Variants in COL1A2 observed in about 807,000 individuals in gnomAD.
COL1A2 encodes collagen type I alpha 2 chain, also known as collagen alpha-2(I) chain.
A neutral mutation model predicts 174.3 loss-of-function variants in COL1A2; 49 were observed. That is an observed-to-expected ratio of 0.28 (90% CI 0.22 to 0.36). The LOEUF is 0.36. Among genes scored for constraint, COL1A2 ranks in the 10% least tolerant of loss-of-function variants. The probability of loss-of-function intolerance (pLI) is 1.00; values close to 1 mark genes in which losing one functional copy is unlikely to be tolerated. For synonymous variants in COL1A2, 655 were observed against 606.6 expected (o/e 1.08, Z -1.17); for missense variants, 1,438 against 1,822.7 (o/e 0.79, Z 3.84).
Position 94,412,597 on chromosome 7 carries a change from T to C in COL1A2, c.1418T>C (p.Ile473Thr), listed in dbSNP as rs763967575. ...GKEGPVGLPG[I>T]DGRPGPIGPA... ...CTCTGCTTTCAGGGCCTCCCTGGCA[T>C]CGACGGCAGGCCTGGCCCAATTGGC... The change falls in exon 25 of 52, where the codon ATC becomes ACC. Residue 473 changes from isoleucine to threonine, a missense_variant. Ile to Thr is a moderately conservative substitution (Grantham distance 89). Around this residue, in one of 3 missense-constraint regions of COL1A2, gnomAD observed 867 missense variants for 1,213.7 expected, o/e 0.71. Transcript: ENST00000297268. 10 of 1,613,966 alleles carry C rather than the reference T, an allele frequency of 6.2e-6. No individual in the cohort carries two copies. The East Asian group carries it at 2.0e-4, about 32-fold the overall frequency.
At chr7:94,396,874 A>G (rs893614656) in intron 1 of COL1A2, among the ~76,000 whole-genome samples, 2 of 152,146 alleles carry the variant, frequency 1.3e-5, no homozygotes, top group Admixed American at 1.3e-4. Flanking sequence ...GGGGTGATTC[A>G]TCCTACTGCA....
At position 94,428,441 on chromosome 7, in the gene COL1A2, C is replaced by T. The variant is rs755678340; in HGVS notation, c.3675C>T (p.His1225=). 23 of 1,613,944 alleles carry T rather than the reference C, an allele frequency of 1.4e-5. No individual in the cohort carries two copies. Among genetic ancestry groups the T allele is most frequent in the Middle Eastern group, 1.6e-4 (1 of 6,082 alleles). ...NWYRSSKDKK[H]VWLGETINAG... ...ATAGGAGCTCCAAGGACAAGAAACA[C>T]GTCTGGCTAGGAGAAACTATCAATG... is the stretch of plus-strand genomic sequence containing the variant. The change falls in exon 50 of 52, where the codon CAC becomes CAT. Residue 1225 remains histidine, a synonymous_variant. Coordinates refer to ENST00000297268, the MANE Select transcript of COL1A2 (RefSeq NM_000089.4).
Position 94,404,681 on chromosome 7 carries a change from T to G in COL1A2, c.325-12T>G, listed in dbSNP as rs1160462247. 6.2e-7 allele frequency: 1 copy of G among 1,614,054 alleles called. No individual in the cohort carries two copies. Among genetic ancestry groups the G allele is most frequent in the Non-Finnish European group, 8.5e-7 (1 of 1,180,016 alleles). On this transcript the variant is annotated splice_polypyrimidine_tract_variant and intron_variant, in intron 7 of 51. Coordinates refer to ENST00000297268, the MANE Select transcript of COL1A2 (RefSeq NM_000089.4). ...TAAAGGCTTGGAGTATGACATTCTT[T>G]TTTTCTTTTAGGGCCCTCAAGGTTT...
Position 94,425,798 on chromosome 7 carries a change from G to A in COL1A2, c.2884G>A (p.Ala962Thr), listed in dbSNP as rs1212437175. 1.9e-6 allele frequency: 3 copies of A among 1,612,934 alleles called. No homozygotes were observed. In the African/African-American group the frequency reaches 4.0e-5, roughly 22 times the overall value. Residue 962 changes from alanine (A) to threonine (T), a missense_variant, in exon 44 of 52, where the codon GCA (alanine) becomes ACA (threonine). Physicochemically the swap from Ala to Thr is moderately conservative, Grantham distance 58. Around this residue, in one of 3 missense-constraint regions of COL1A2, gnomAD observed 867 missense variants for 1,213.7 expected, o/e 0.71. Coordinates refer to ENST00000297268, the MANE Select transcript of COL1A2 (RefSeq NM_000089.4). The stretch of plus-strand genomic sequence containing the variant: ...TATTGGTCCCGTTGGTGCTGCAGGT[G>A]CACCTGGTCCTCATGGCCCCGTGGG... ...GNIGPVGAAGAPGPHGPVGPA... is the reference protein window; with the variant it reads ...GNIGPVGAAGTPGPHGPVGPA...
chr7:94,405,003 G>C (rs2115876605), intron 9 of COL1A2, 111 bp downstream of exon 9: 1 of 1,282,748 alleles, frequency 7.8e-7, no homozygotes, highest in East Asian at 2.4e-5. Context: ...ATGCCTGACA[G>C]AACTCTTAAT....
chr7:94,418,638 A>G, intron 33 of COL1A2, 86 bp downstream of exon 33: 6 of 1,028,546 alleles, frequency 5.8e-6, no homozygotes, highest in Non-Finnish European at 9.1e-6. Context: ...TTAGAACTAC[A>G]CACACTTTAT....
intron 1 of COL1A2, among the ~76,000 whole-genome samples, chr7:94,397,230 G>A (rs751479292): frequency 6.6e-6 from 1 of 151,958 alleles, no homozygotes; most frequent in Non-Finnish European, 1.5e-5. Context: ...TGAAGTACTA[G>A]GTAACTTCAA....
intron 40 of COL1A2, 21 bp from the exon 41 acceptor site, chr7:94,424,315 C>G (rs765928024): frequency 2.2e-5 from 35 of 1,594,998 alleles, no homozygotes; most frequent in Non-Finnish European, 3.0e-5. Context: ...CCATAATACT[C>G]AGTATTTTTT....
At chr7:94,404,469 G>T in intron 6 of COL1A2, 87 bp from the exon 7 acceptor site, 1 of 1,346,802 alleles carries the variant, frequency 7.4e-7, no homozygotes, top group Non-Finnish European at 1.1e-6. Context: ...CACAACAATG[G>T]CACTGCTAAG....
At chr7:94,409,272 G>C in intron 16 of COL1A2, 50 bp from the exon 17 acceptor site, 1 of 1,474,256 alleles carries the variant, frequency 6.8e-7, no homozygotes, top group Non-Finnish European at 9.5e-7. Flanking sequence ...AAACAGATAT[G>C]CTGTTTCATT....
chr7:94,408,506 GA>G, intron 15 of COL1A2, 126 bp downstream of exon 15: 4 of 1,249,182 alleles, frequency 3.2e-6, no homozygotes, highest in Non-Finnish European at 4.7e-6. Flanking sequence ...GAGGTCTTTT[GA>G]AGGCTCCATT....
In COL1A2 at chr7:94,428,366, C is replaced by T. The variant is rs777362679; in HGVS notation, c.3600C>T (p.Gly1200=). Residue 1200 remains glycine, a synonymous_variant, in exon 50 of 52, where the codon GGC becomes GGT. Transcript: ENST00000297268. ...AIKVYCDFST[G]ETCIRAQPEN... ...AAGTATACTGTGATTTCTCTACTGG[C>T]GAAACCTGTATCCGGGCCCAACCTG... The T allele has an allele frequency of 5.2e-5, 84 of 1,613,854 alleles. No individual in the cohort carries two copies. The highest frequency in any genetic ancestry group is 6.8e-5 in the Non-Finnish European group (80 of 1,179,930).
At chr7:94,427,319 T>C (rs1425627213) in intron 48 of COL1A2, 24 bp downstream of exon 48, 11 of 1,581,800 alleles carry the variant, frequency 7.0e-6, no homozygotes, top group Non-Finnish European at 9.5e-6. Context: ...GGGGAAATAA[T>C]AAAGAAGATC....
chr7:94,420,339 A>G (rs1792131561), intron 35 of COL1A2, 52 bp from the exon 36 acceptor site: 9 of 1,614,006 alleles, frequency 5.6e-6, no homozygotes, highest in African/African-American at 4.0e-5. Context: ...ATGTTTAGAC[A>G]TTGATGAACC....
Position 94,395,269 on chromosome 7 carries a change from T to A in COL1A2, c.70+168T>A, listed in dbSNP as rs745785262. 17 of 757,544 alleles carry A rather than the reference T, an allele frequency of 2.2e-5. No homozygotes were observed. In the African/African-American group the frequency reaches 2.4e-4, roughly 11 times the overall value. The allele number at this position is 757,544 out of a possible 1,614,324, so 46.9% of individuals were successfully genotyped here. A position where few individuals can be genotyped will look rare whatever the true frequency, so the allele number is the denominator to read the frequency against. Reference sequence around the variant, plus strand: ...TTGATAAGAAACATGGAAATTACTTTAAAAAATGAAAACATAAAAGCCTTG... The same window carrying A: ...TTGATAAGAAACATGGAAATTACTTAAAAAAATGAAAACATAAAAGCCTTG... On this transcript the variant is annotated intron_variant, in intron 1 of 51. Transcript: ENST00000297268.
intron 4 of COL1A2, among the ~76,000 whole-genome samples, chr7:94,399,461 A>G (rs1449133452): frequency 6.6e-6 from 1 of 152,176 alleles, no homozygotes; most frequent in African/African-American, 2.4e-5. Context: ...ATAATAGTGA[A>G]TTAGTAGTCA....
At chr7:94,414,919 T>G (rs369626192) in intron 29 of COL1A2, among the ~76,000 whole-genome samples, 2 of 152,202 alleles carry the variant, frequency 1.3e-5, no homozygotes, top group East Asian at 3.8e-4. Flanking sequence ...ATGTCTAATA[T>G]TCATTATTAT....
chr7:94,403,060 G>A (rs1317220836), intron 6 of COL1A2, among the ~76,000 whole-genome samples: 1 of 152,056 alleles, frequency 6.6e-6, no homozygotes, highest in African/African-American at 2.4e-5. Context: ...AGCTAATGCT[G>A]GACATTAGTC....
In COL1A2 at chr7:94,417,836, G is replaced by A. The variant is rs375027186; in HGVS notation, c.1971+5G>A. The A allele has an allele frequency of 2.3e-5, 36 of 1,584,402 alleles. No homozygotes were observed. Among genetic ancestry groups the A allele is most frequent in the Admixed American group, 5.3e-5 (3 of 56,088 alleles). ...CCTGGAGGCAAGGGAGAAAAGGTACGTGTTGACCCCTATTACATATTGTTG... is the reference window on the plus strand; with the variant it reads ...CCTGGAGGCAAGGGAGAAAAGGTACATGTTGACCCCTATTACATATTGTTG... On this transcript the variant is annotated splice_donor_5th_base_variant and intron_variant, in intron 32 of 51. Transcript: ENST00000297268.
Sources: gnomAD v4.1 joint callset for allele counts (sites outside exome capture counted in the v4.1 genomes callset) on GRCh38, gnomAD v4.1.1 for gene constraint, gnomAD v4.1.1 regional missense constraint, MANE v1.5 for transcripts, NCBI Gene and HGNC (gene_info 2026-07-23, HGNC 2026-07-21) for gene names.